The following CPAP variants were observed in gnomAD, a reference collection of about 807,000 sequenced individuals.
CPAP encodes centrosomal P4.1-associated protein.
the CPAP span, among the ~76,000 whole-genome samples, chr13:24,926,212 A>C: frequency 1.3e-5 from 2 of 152,182 alleles, no homozygotes. Flanking sequence ...ATTGGTGCCC[A>C]CTCAGGATTT....
At chr13:24,890,300 G>A in the CPAP span, among the ~76,000 whole-genome samples, 1 of 152,160 alleles carries the variant, frequency 6.6e-6, no homozygotes, top group Non-Finnish European at 1.5e-5. Context: ...TCTATTTTGG[G>A]AAGCTTTCAT....
the CPAP span, among the ~76,000 whole-genome samples, chr13:24,889,807 C>T: frequency 1.1e-4 from 16 of 151,964 alleles, no homozygotes; most frequent in Non-Finnish European, 2.2e-4. Context: ...ACTGAGCACT[C>T]CCCATGAGGA....
At chr13:24,912,198 G>A in the CPAP span, 9 of 850,824 alleles carry the variant, frequency 1.1e-5, no homozygotes, top group East Asian at 2.5e-5. Context: ...GGGACCCCTA[G>A]GTAACTAAAT....
chr13:24,901,436 G>A, the CPAP span, among the ~76,000 whole-genome samples: 17 of 152,204 alleles, frequency 1.1e-4, no homozygotes, highest in Non-Finnish European at 1.2e-4. Flanking sequence ...CAGTGATGGG[G>A]AAAGGGGTGA....
At chr13:24,921,790 G>A in the CPAP span, among the ~76,000 whole-genome samples, 3 of 152,028 alleles carry the variant, frequency 2.0e-5, no homozygotes, top group Non-Finnish European at 4.4e-5. Flanking sequence ...AAGCAGTCTT[G>A]GGATGCAGCA....
At chr13:24,899,490 G>T in the CPAP span, 1 of 1,613,436 alleles carries the variant, frequency 6.2e-7, no homozygotes, top group Non-Finnish European at 8.5e-7. Context: ...AAAACTTTAC[G>T]TTCCTTTTGT....
At chr13:24,892,816 TTTC>T in the CPAP span, 1 of 1,613,542 alleles carries the variant, frequency 6.2e-7, no homozygotes, top group Non-Finnish European at 8.5e-7. Flanking sequence ...GACCATTTGG[TTTC>T]CTTTCTTTTC....
chr13:24,897,813 G>T, the CPAP span, among the ~76,000 whole-genome samples: 2 of 152,108 alleles, frequency 1.3e-5, no homozygotes, highest in Non-Finnish European at 2.9e-5. Context: ...GATACCAAAC[G>T]ACTGGAAAAT....
the CPAP span, chr13:24,933,073 A>G: frequency 6.3e-7 from 1 of 1,590,374 alleles, no homozygotes; most frequent in South Asian, 1.1e-5. Context: ...GCAGCAGAAG[A>G]AAAAGCTACA....
the CPAP span, among the ~76,000 whole-genome samples, chr13:24,914,591 C>T: frequency 6.6e-6 from 1 of 152,146 alleles, no homozygotes; most frequent in African/African-American, 2.4e-5. Context: ...AGCCTGGAGA[C>T]AAAACATATA....
chr13:24,926,411 G>A, the CPAP span, among the ~76,000 whole-genome samples: 2 of 152,122 alleles, frequency 1.3e-5, no homozygotes, highest in African/African-American at 4.8e-5. Flanking sequence ...AAGAAGGCAC[G>A]TTAGACCAAG....
chr13:24,883,756 C>CTGT, the CPAP span, among the ~76,000 whole-genome samples: 1 of 152,296 alleles, frequency 6.6e-6, no homozygotes, highest in Non-Finnish European at 1.5e-5. Context: ...ACTTAAAAAT[C>CTGT]TGTTTTGAAA....
At chr13:24,891,700 C>T in the CPAP span, among the ~76,000 whole-genome samples, 4 of 152,268 alleles carry the variant, frequency 2.6e-5, no homozygotes, top group South Asian at 2.1e-4. Context: ...CTACAGCAGT[C>T]GGAGCTAAAA....
At chr13:24,893,908 GTGGGAGGGTGA>G in the CPAP span, among the ~76,000 whole-genome samples, 2 of 152,206 alleles carry the variant, frequency 1.3e-5, no homozygotes, top group Non-Finnish European at 2.9e-5. Flanking sequence ...GCCGGGGACA[GTGGGAGGGTGA>G]TGGGAGAGTG....
the CPAP span, among the ~76,000 whole-genome samples, chr13:24,918,323 C>T: frequency 1.3e-5 from 2 of 152,144 alleles, no homozygotes; most frequent in African/African-American, 2.4e-5. Context: ...AATATTGAGA[C>T]ATTTTCAGCA....
chr13:24,895,871 A>G, the CPAP span, among the ~76,000 whole-genome samples: 4 of 152,236 alleles, frequency 2.6e-5, no homozygotes, highest in Non-Finnish European at 5.9e-5. Flanking sequence ...CAATTCCTCA[A>G]TGATTACAAG....
chr13:24,912,728 G>A, the CPAP span: 36 of 1,614,056 alleles, frequency 2.2e-5, no homozygotes, highest in African/African-American at 4.3e-4. Flanking sequence ...TTAATGCAAG[G>A]AAAGGCTGTA....
the CPAP span, among the ~76,000 whole-genome samples, chr13:24,923,824 T>C: frequency 2.0e-5 from 3 of 152,178 alleles, no homozygotes; most frequent in African/African-American, 7.2e-5. Context: ...ATTTTTCTTT[T>C]CTTTTTTTAA....
At chr13:24,930,174 G>T in the CPAP span, among the ~76,000 whole-genome samples, 2 of 151,712 alleles carry the variant, frequency 1.3e-5, no homozygotes, top group African/African-American at 4.8e-5. Flanking sequence ...CAAGATGGTA[G>T]GTTTACAGGC....
Sources: gnomAD v4.1 joint callset for allele counts (sites outside exome capture counted in the v4.1 genomes callset) on GRCh38, gnomAD v4.1.1 for gene constraint, MANE v1.5 for transcripts, NCBI Gene and HGNC (gene_info 2026-07-23, HGNC 2026-07-21) for gene names.